The following GLP2R variants were observed in gnomAD, a reference collection of about 807,000 sequenced individuals.
The protein encoded by GLP2R is glucagon like peptide 2 receptor.
Under a neutral mutation model 68.2 loss-of-function variants are expected in GLP2R, and 59 were observed. That is an observed-to-expected ratio of 0.87 (90% CI 0.70 to 1.07). GLP2R has a LOEUF of 1.07. GLP2R is among the 50% of genes least tolerant of loss of function. The pLI is 0.00. For synonymous variants in GLP2R, 270 were observed against 265.4 expected (o/e 1.02, Z -0.17); for missense variants, 548 against 677.4 (o/e 0.81, Z 2.12).
Position 9,860,040 on chromosome 17 carries a change from G to T in GLP2R, c.864G>T (p.Leu288=). The T allele has an allele frequency of 6.2e-7, 1 of 1,613,554 alleles. No individual in the cohort carries two copies. The highest frequency in any genetic ancestry group is 1.7e-4 in the Middle Eastern group (1 of 5,996). The change falls in exon 7 of 13, where the codon CTG becomes CTT. Residue 288 remains leucine, a synonymous_variant. Transcript: ENST00000262441. ...TTGAAGGCCTCTACCTCCACACGCT[G>T]CTGGAGCCCACAGTGCTTCCTGAGA... is the stretch of plus-strand genomic sequence containing the variant. ...LLVEGLYLHT[L]LEPTVLPERR...
At chr17:9,883,239 G>C (rs1359121257) in intron 11 of GLP2R, among the ~76,000 whole-genome samples, 2 of 152,130 alleles carry the variant, frequency 1.3e-5, no homozygotes, top group Non-Finnish European at 2.9e-5. Context: ...TATTAGGAAA[G>C]CTTAGATTTA....
At chr17:9,846,969 TAAC>T (rs2066844634) in intron 4 of GLP2R, among the ~76,000 whole-genome samples, 1 of 152,218 alleles carries the variant, frequency 6.6e-6, no homozygotes, top group South Asian at 2.1e-4. Context: ...TAGTAAATGT[TAAC>T]AACAGGCTCC....
Position 9,854,289 on chromosome 17 carries a change from A to G in GLP2R, c.505-206A>G, listed in dbSNP as rs562461841. ...GGGTGAGACCCACCGTGGGCTCTTC[A>G]CTTGTTAAGGCTCCTTGGCCTCTGA... On this transcript the variant is annotated intron_variant, in intron 4 of 12. Transcript: ENST00000262441. 7.9e-5 allele frequency among the ~76,000 whole-genome samples: 12 copies of G among 152,298 alleles called. No individual in the cohort carries two copies. The East Asian group carries it at 2.1e-3, about 27-fold the overall frequency.
intron 11 of GLP2R, 123 bp from the exon 12 acceptor site, chr17:9,887,809 T>C (rs1479319587): frequency 5.2e-6 from 4 of 772,664 alleles, no homozygotes. Context: ...GTGTAAGCAA[T>C]GCAGTTGCAC....
chr17:9,827,656 C>T (rs767454874), intron 1 of GLP2R, among the ~76,000 whole-genome samples: 4 of 152,022 alleles, frequency 2.6e-5, no homozygotes, highest in Admixed American at 6.6e-5. Flanking sequence ...GTCTGAATAA[C>T]GAAAGTAGCT....
chr17:9,883,265 T>C (rs1196368690), intron 11 of GLP2R, among the ~76,000 whole-genome samples: 1 of 152,086 alleles, frequency 6.6e-6, no homozygotes, highest in Non-Finnish European at 1.5e-5. Context: ...GCAGAATAAA[T>C]AACCTGTGAG....
chr17:9,841,654 T>C (rs964283196), intron 3 of GLP2R, among the ~76,000 whole-genome samples: 4 of 152,050 alleles, frequency 2.6e-5, no homozygotes, highest in African/African-American at 9.7e-5. Context: ...AAAAAGGGTG[T>C]GGTTTGGAGT....
intron 10 of GLP2R, among the ~76,000 whole-genome samples, chr17:9,873,535 ATC>A (rs1258962953): frequency 7.6e-6 from 1 of 131,626 alleles, no homozygotes; most frequent in Non-Finnish European, 1.7e-5. Context: ...TGTGGTGGAT[ATC>A]ACAAAAACTA....
chr17:9,884,884 A>G (rs2067228492), intron 11 of GLP2R, among the ~76,000 whole-genome samples: 1 of 152,106 alleles, frequency 6.6e-6, no homozygotes, highest in South Asian at 2.1e-4. Flanking sequence ...AGAGGGGGAA[A>G]AAAAACTCTG....
chr17:9,876,119 C>T (rs868255611), intron 10 of GLP2R, among the ~76,000 whole-genome samples: 3 of 152,146 alleles, frequency 2.0e-5, no homozygotes, highest in Non-Finnish European at 2.9e-5. Context: ...TCGGGTGATT[C>T]GCCCACCTCG....
At chr17:9,830,561 G>T (rs1386412743) in intron 1 of GLP2R, among the ~76,000 whole-genome samples, 2 of 152,170 alleles carry the variant, frequency 1.3e-5, no homozygotes, top group Non-Finnish European at 2.9e-5. Context: ...GCCAATTATT[G>T]TATCATTATT....
At chr17:9,842,306 G>C (rs926025963) in intron 3 of GLP2R, among the ~76,000 whole-genome samples, 189 bp from the exon 4 acceptor site, 6 of 152,156 alleles carry the variant, frequency 3.9e-5, no homozygotes, top group Non-Finnish European at 8.8e-5. Context: ...AGCAGACCAT[G>C]GTGTGTTACA....
At chr17:9,849,046 C>G (rs1909894) in intron 4 of GLP2R, among the ~76,000 whole-genome samples, 84,798 of 151,244 alleles carry the variant, frequency 0.56, 24,272 homozygotes, top group East Asian at 0.77. Context: ...CATATGAATT[C>G]ATATATCTGT....
Position 9,828,824 on chromosome 17 carries a change from G to A in GLP2R, c.189+2572G>A, listed in dbSNP as rs758778625. Among the ~76,000 whole-genome samples, 44 of 152,226 alleles carry A rather than the reference G, an allele frequency of 2.9e-4. 1 individual carries two copies. In the Middle Eastern group the frequency reaches 0.017, roughly 59 times the overall value. On this transcript the variant is annotated intron_variant, in intron 1 of 12. Transcript: ENST00000262441. ...GCCACACCTTGACCCTTTCAGTCTG[G>A]TATTTTTATAATCAATAACATGTCT...
intron 10 of GLP2R, among the ~76,000 whole-genome samples, chr17:9,879,476 G>A (rs1329456984): frequency 6.6e-6 from 1 of 152,018 alleles, no homozygotes; most frequent in Non-Finnish European, 1.5e-5. Context: ...CAGCATGGGT[G>A]ACAGAGGGAG....
Position 9,881,449 on chromosome 17 carries a change from C to A in GLP2R, c.1284+933C>A, listed in dbSNP as rs1233394868. ...AGGCTGGAGTGCAGTGGCGGGATCT[C>A]GGCTCACTGCAAGCTCCGCCTCCCG... On this transcript the variant is annotated intron_variant, in intron 11 of 12. Coordinates refer to ENST00000262441, the MANE Select transcript of GLP2R (RefSeq NM_004246.3). 1.6e-5 allele frequency among the ~76,000 whole-genome samples: 2 copies of A among 127,116 alleles called. 1 individual carries two copies. Among genetic ancestry groups the A allele is most frequent in the African/African-American group, 8.2e-5 (2 of 24,274 alleles). The allele number at this position is 127,116 out of a possible 152,430, so 83.4% of individuals were successfully genotyped here. A position where few individuals can be genotyped will look rare whatever the true frequency, so the allele number is the denominator to read the frequency against.
At chr17:9,886,466 G>A (rs901934357) in intron 11 of GLP2R, among the ~76,000 whole-genome samples, 1 of 152,212 alleles carries the variant, frequency 6.6e-6, no homozygotes, top group Non-Finnish European at 1.5e-5. Context: ...TTGTTTGTGA[G>A]AATCCTGGCA....
At chr17:9,829,548 A>T (rs1015271597) in intron 1 of GLP2R, among the ~76,000 whole-genome samples, 1 of 152,186 alleles carries the variant, frequency 6.6e-6, no homozygotes, top group Non-Finnish European at 1.5e-5. Flanking sequence ...ACTAAATTAT[A>T]TCACTTTTTT....
chr17:9,835,282 A>G (rs1352909780), intron 2 of GLP2R, among the ~76,000 whole-genome samples: 2 of 151,944 alleles, frequency 1.3e-5, no homozygotes, highest in Non-Finnish European at 2.9e-5. Flanking sequence ...AATCCTGGCC[A>G]TTTTAGCCTA....
Sources: gnomAD v4.1 joint callset for allele counts (sites outside exome capture counted in the v4.1 genomes callset) on GRCh38, gnomAD v4.1.1 for gene constraint, MANE v1.5 for transcripts, NCBI Gene and HGNC (gene_info 2026-07-23, HGNC 2026-07-21) for gene names.